The following CDH13 variants were observed in gnomAD, a reference collection of about 807,000 sequenced individuals.
The protein encoded by CDH13 is cadherin 13, also known as cadherin-13.
A neutral mutation model predicts 63.8 loss-of-function variants in CDH13; 24 were observed. The ratio of observed to expected loss-of-function variants is 0.38; its 90% CI spans 0.27 to 0.53. The LOEUF (loss-of-function observed/expected upper bound fraction) is 0.53. Ranked by LOEUF, CDH13 falls within the 20% of genes least tolerant of loss-of-function variation. CDH13 has a pLI of 0.85. For synonymous variants in CDH13, 503 were observed against 355.3 expected, an observed-to-expected ratio of 1.42 and a Z score of -4.67; for missense variants, 1,049 against 903.1, an observed-to-expected ratio of 1.16 and a Z score of -2.07.
In CDH13 at chr16:82,690,243, T is replaced by C. The variant is rs72837557; in HGVS notation, c.45+63106T>C. ...TGGGGTTGGTGGAGGGAAATAAATA[T>C]GAAGAAGAATGGTGAGACAACCAGT... On this transcript the variant is annotated intron_variant, in intron 1 of 13. Transcript: ENST00000567109. Among the ~76,000 whole-genome samples, 504 of 150,632 alleles carry C rather than the reference T, an allele frequency of 3.3e-3. 1 individual carries two copies. Among genetic ancestry groups the C allele is most frequent in the Non-Finnish European group, 5.9e-3 (400 of 67,796 alleles).
intron 4 of CDH13, chr16:83,181,076 A>C: frequency 5.8e-6 from 8 of 1,368,724 alleles, no homozygotes; most frequent in Non-Finnish European, 7.8e-6. Flanking sequence ...TGTTTAAATA[A>C]ATTGTCCTGT....
At chr16:83,565,981 A>G (rs902846356) in intron 7 of CDH13, among the ~76,000 whole-genome samples, 1 of 152,036 alleles carries the variant, frequency 6.6e-6, no homozygotes, top group South Asian at 2.1e-4. Flanking sequence ...TTTGCACTCC[A>G]TTGCATATTG....
intron 6 of CDH13, among the ~76,000 whole-genome samples, chr16:83,406,413 T>A (rs2092045560): frequency 6.8e-6 from 1 of 146,914 alleles, no homozygotes; most frequent in Non-Finnish European, 1.5e-5. Flanking sequence ...CAGCTCTCTT[T>A]CTTTCCCCCC....
At chr16:82,646,887 C>T (rs1366528170) in intron 1 of CDH13, among the ~76,000 whole-genome samples, 2 of 152,114 alleles carry the variant, frequency 1.3e-5, no homozygotes, top group African/African-American at 2.4e-5. Flanking sequence ...ACAGCACGTT[C>T]AGGGGGTAAT....
chr16:83,751,951 A>C (rs944171049), intron 11 of CDH13, among the ~76,000 whole-genome samples: 2 of 152,230 alleles, frequency 1.3e-5, no homozygotes, highest in East Asian at 3.8e-4. Flanking sequence ...TTGATTAGGG[A>C]GTTGCCCATG....
chr16:83,428,603 T>C (rs1055557131), intron 6 of CDH13, among the ~76,000 whole-genome samples: 2 of 152,204 alleles, frequency 1.3e-5, no homozygotes, highest in African/African-American at 2.4e-5. Context: ...ATCAGAACTT[T>C]GGTGCTTGGC....
At chr16:82,939,450 G>GGAGAGGGAGGGAGAGGGA (rs1343602393) in intron 2 of CDH13, among the ~76,000 whole-genome samples, 3 of 147,234 alleles carry the variant, frequency 2.0e-5, no homozygotes, top group Admixed American at 6.7e-5. Flanking sequence ...AGGGAGCAAG[G>GGAGAGGGAGGGAGAGGGA]GAGAGGGAGG....
intron 1 of CDH13, among the ~76,000 whole-genome samples, chr16:82,813,583 C>G (rs577145992): frequency 1.3e-5 from 2 of 152,246 alleles, no homozygotes; most frequent in African/African-American, 4.8e-5. Flanking sequence ...GTAGTGTCTT[C>G]CCGGAGGCTG....
chr16:83,486,141 T>TAAAAAAAAGAAAAA (rs138896605), intron 6 of CDH13, among the ~76,000 whole-genome samples: 21 of 150,820 alleles, frequency 1.4e-4, no homozygotes, highest in Admixed American at 7.3e-4. Flanking sequence ...AGACTCTGTC[T>TAAAAAAAAGAAAAA]AAAAAAATGA....
At chr16:83,237,564 T>A (rs960196874) in intron 5 of CDH13, among the ~76,000 whole-genome samples, 15 of 152,230 alleles carry the variant, frequency 9.9e-5, no homozygotes, top group African/African-American at 3.6e-4. Flanking sequence ...TTAATTACTG[T>A]TTTTTAAATT....
chr16:83,022,560 A>T (rs1162971664), intron 2 of CDH13, among the ~76,000 whole-genome samples: 1 of 152,232 alleles, frequency 6.6e-6, no homozygotes, highest in African/African-American at 2.4e-5. Flanking sequence ...TTTTTCCAAG[A>T]CTAGCACATC....
chr16:83,400,712 A>G (rs1215475065), intron 6 of CDH13, among the ~76,000 whole-genome samples: 1 of 152,188 alleles, frequency 6.6e-6, no homozygotes, highest in African/African-American at 2.4e-5. Flanking sequence ...GTATAGGTAA[A>G]TGCAAGATGG....
chr16:83,647,114 T>C (rs544440166), intron 8 of CDH13, among the ~76,000 whole-genome samples: 3 of 151,864 alleles, frequency 2.0e-5, no homozygotes, highest in African/African-American at 7.2e-5. Flanking sequence ...ATCGAGACCA[T>C]CCTGTATAAC....
chr16:83,327,039 G>C (rs1346190063), intron 5 of CDH13, among the ~76,000 whole-genome samples: 1 of 152,226 alleles, frequency 6.6e-6, no homozygotes, highest in African/African-American at 2.4e-5. Flanking sequence ...AGGGTTGTAA[G>C]AATGGCAGAG....
intron 2 of CDH13, among the ~76,000 whole-genome samples, chr16:82,913,103 A>C (rs1278504177): frequency 6.6e-6 from 1 of 152,190 alleles, no homozygotes; most frequent in Non-Finnish European, 1.5e-5. Flanking sequence ...CTCTCTGAGT[A>C]AGTGTTGGTT....
chr16:83,031,401 CATGT>C (rs1916331110), intron 2 of CDH13, among the ~76,000 whole-genome samples: 1 of 142,588 alleles, frequency 7.0e-6, no homozygotes, highest in African/African-American at 2.7e-5. Flanking sequence ...TATACATATA[CATGT>C]ATATGTATAC....
chr16:82,686,619 A>T (rs924183704), intron 1 of CDH13, among the ~76,000 whole-genome samples: 1 of 152,192 alleles, frequency 6.6e-6, no homozygotes, highest in African/African-American at 2.4e-5. Context: ...AGCTCTAAAA[A>T]TGAGAATATT....
chr16:83,277,225 T>C (rs1318220357), intron 5 of CDH13, among the ~76,000 whole-genome samples: 3 of 152,210 alleles, frequency 2.0e-5, no homozygotes, highest in Non-Finnish European at 4.4e-5. Flanking sequence ...TTCTCACTCA[T>C]GGTTATGACC....
intron 7 of CDH13, among the ~76,000 whole-genome samples, chr16:83,599,830 A>G (rs929199302): frequency 5.9e-5 from 9 of 152,212 alleles, no homozygotes; most frequent in African/African-American, 2.2e-4. Context: ...ACAATGTTTT[A>G]TGACAAAAGT....
Sources: allele counts gnomAD v4.1 joint callset (sites outside exome capture counted in the v4.1 genomes callset), GRCh38; gene constraint gnomAD v4.1.1; transcripts MANE v1.5; gene names NCBI Gene and HGNC (gene_info 2026-07-23, HGNC 2026-07-21).